The following SPTBN1 variants were observed in gnomAD, a reference collection of about 807,000 sequenced individuals.
The protein encoded by SPTBN1 is spectrin beta, non-erythrocytic 1, also known as spectrin beta chain, non-erythrocytic 1.
In SPTBN1, 32 loss-of-function variants were observed where a neutral mutation model predicts 266.4. The ratio of observed to expected loss-of-function variants is 0.12; its 90% CI spans 0.09 to 0.16. The LOEUF is 0.16. SPTBN1 is among the 10% of genes least tolerant of loss of function. The pLI, the probability that SPTBN1 is intolerant of heterozygous loss-of-function variation, is 1.00. For synonymous variants in SPTBN1, 1,336 were observed against 1,162.2 expected (o/e 1.15, Z -3.04); for missense variants, 2,296 against 3,067.1 (o/e 0.75, Z 5.94).
chr2:54,607,756 G>T (rs1409415495), intron 3 of SPTBN1, among the ~76,000 whole-genome samples: 1 of 152,174 alleles, frequency 6.6e-6, no homozygotes, highest in Non-Finnish European at 1.5e-5. Context: ...TCAATCCCCT[G>T]TGGATACCAA....
chr2:54,644,919 C>T (rs1231507411), intron 20 of SPTBN1, among the ~76,000 whole-genome samples: 2 of 152,180 alleles, frequency 1.3e-5, no homozygotes, highest in Admixed American at 6.5e-5. Context: ...AAGAAATATT[C>T]TCATACTTTG....
rs1673038234 is a variant in SPTBN1 at position 54,558,526 on chromosome 2, G to C, written c.148+31960G>C. The C allele has an allele frequency of 2.4e-6, 3 of 1,242,742 alleles. No homozygotes were observed. Among genetic ancestry groups the C allele is most frequent in the Non-Finnish European group, 3.0e-6 (3 of 989,066 alleles). 77.0% of individuals were successfully genotyped at this position (1,242,742 alleles called of 1,614,324 possible). A position where few individuals can be genotyped will look rare whatever the true frequency, so the allele number is the denominator to read the frequency against. On this transcript the variant is annotated intron_variant, in intron 2 of 35. Coordinates refer to ENST00000356805, the MANE Select transcript of SPTBN1 (RefSeq NM_003128.3). This position sits in a 1 kb window ranked among gnomAD's most constrained non-coding sequence, Gnocchi z 4.6. Reference sequence around the variant, plus strand: ...TCCCTCCTCCTCAGTAATTTATTTCGAGCTTCCAGGCAAGGGCCACGGAAG... The same window carrying C: ...TCCCTCCTCCTCAGTAATTTATTTCCAGCTTCCAGGCAAGGGCCACGGAAG...
chr2:54,511,806 G>C (rs1669870454), intron 1 of SPTBN1, among the ~76,000 whole-genome samples: 1 of 152,064 alleles, frequency 6.6e-6, no homozygotes, highest in East Asian at 1.9e-4. Flanking sequence ...AAGAGGTGGA[G>C]GTTGCAGTGA....
intron 1 of SPTBN1, among the ~76,000 whole-genome samples, chr2:54,498,246 A>G (rs1669073417): frequency 6.6e-6 from 1 of 152,236 alleles, no homozygotes; most frequent in Non-Finnish European, 1.5e-5. Flanking sequence ...TGCATTCACA[A>G]GACGGGAATG....
chr2:54,606,445 T>C (rs1038899816), intron 3 of SPTBN1, among the ~76,000 whole-genome samples: 3 of 152,180 alleles, frequency 2.0e-5, no homozygotes, highest in Non-Finnish European at 4.4e-5. Flanking sequence ...ACTCACTATC[T>C]CACTGCTCAG....
chr2:54,598,830 A>C (rs1310744269), intron 2 of SPTBN1, among the ~76,000 whole-genome samples: 1 of 152,222 alleles, frequency 6.6e-6, no homozygotes, highest in Non-Finnish European at 1.5e-5. Context: ...AGGACTGGAC[A>C]GTTCCTACAC....
At chr2:54,563,095 C>T (rs761954078) in intron 2 of SPTBN1, among the ~76,000 whole-genome samples, 1 of 152,102 alleles carries the variant, frequency 6.6e-6, no homozygotes, top group Non-Finnish European at 1.5e-5. Context: ...GTTTAGGCTG[C>T]ACGGTGTTCT....
intron 2 of SPTBN1, among the ~76,000 whole-genome samples, chr2:54,580,829 A>G (rs1674844440): frequency 6.6e-6 from 1 of 152,120 alleles, no homozygotes; most frequent in South Asian, 2.1e-4. Context: ...CGGGTGCACT[A>G]GCTCATCCCT....
intron 10 of SPTBN1, 107 bp downstream of exon 10, chr2:54,623,703 C>T (rs1406751600): frequency 5.7e-6 from 5 of 873,904 alleles, no homozygotes; most frequent in Non-Finnish European, 7.1e-6. Flanking sequence ...GGGCTGTCCC[C>T]ACCTGCCGAA....
intron 3 of SPTBN1, among the ~76,000 whole-genome samples, chr2:54,608,445 T>C (rs948973933): frequency 2.0e-5 from 3 of 151,828 alleles, no homozygotes; most frequent in Non-Finnish European, 4.4e-5. Flanking sequence ...TAGGTAGGTG[T>C]GATGAGGTGA....
chr2:54,667,476 CAT>C (rs1681440935), intron 34 of SPTBN1, 126 bp from the exon 35 acceptor site: 1 of 797,450 alleles, frequency 1.3e-6, no homozygotes, highest in Non-Finnish European at 2.0e-6. Context: ...TTGGTGGTGA[CAT>C]ATGTAGGTTG....
At chr2:54,630,769 G>A in intron 15 of SPTBN1, 86 bp from the exon 16 acceptor site, 3 of 1,442,408 alleles carry the variant, frequency 2.1e-6, no homozygotes, top group Non-Finnish European at 2.8e-6. Flanking sequence ...CAGATAAGCA[G>A]CATTAACCCA....
At chr2:54,567,278 C>T (rs747851082) in intron 2 of SPTBN1, among the ~76,000 whole-genome samples, 86 of 151,994 alleles carry the variant, frequency 5.7e-4, no homozygotes, top group Non-Finnish European at 1.6e-4. Context: ...GATGCAAGGC[C>T]CTGTTAGGTA....
intron 1 of SPTBN1, among the ~76,000 whole-genome samples, chr2:54,506,408 A>G (rs1669556269): frequency 1.3e-5 from 2 of 151,874 alleles, no homozygotes; most frequent in African/African-American, 2.4e-5. Flanking sequence ...TCATGTAAAT[A>G]TAATTTAAAA....
intron 2 of SPTBN1, among the ~76,000 whole-genome samples, chr2:54,591,994 C>G (rs1675715238): frequency 6.6e-6 from 1 of 151,876 alleles, no homozygotes; most frequent in Non-Finnish European, 1.5e-5. Flanking sequence ...CTAATGAGAC[C>G]CTATTTCTAC....
chr2:54,668,369 A>G lies in SPTBN1; in HGVS notation c.6895A>G (p.Ile2299Val), dbSNP rs1681514472. 1.9e-6 allele frequency: 3 copies of G among 1,614,080 alleles called. No individual in the cohort carries two copies. The highest frequency in any genetic ancestry group is 2.5e-6 in the Non-Finnish European group (3 of 1,180,020). ...TGTCCAGGAGGAAATGAACACATGG[A>G]TCCAGGCTATCTCTTCCGCCATCTC... ...AKDDEEMNTW[I>V]QAISSAISSD... The change falls in exon 36 of 36, where the codon ATC (isoleucine) becomes GTC (valine). Residue 2299 changes from isoleucine (I) to valine (V), a missense_variant. Around this residue, in one of 12 missense-constraint regions of SPTBN1, gnomAD observed 347 missense variants for 368.5 expected, o/e 0.94. Coordinates refer to ENST00000356805, the MANE Select transcript of SPTBN1 (RefSeq NM_003128.3).
chr2:54,541,788 T>C (rs935018929), intron 2 of SPTBN1, among the ~76,000 whole-genome samples: 1 of 152,232 alleles, frequency 6.6e-6, no homozygotes, highest in African/African-American at 2.4e-5. Flanking sequence ...TATGGCAATA[T>C]AGTACACATA....
chr2:54,497,676 C>T (rs1027015550), intron 1 of SPTBN1, among the ~76,000 whole-genome samples: 1 of 152,190 alleles, frequency 6.6e-6, no homozygotes, highest in East Asian at 1.9e-4. Context: ...CTCAGTCCTC[C>T]AAGCCATAGA....
Position 54,558,283 on chromosome 2 carries a change from C to T in SPTBN1, c.148+31717C>T. 1 of 985,516 alleles carries T rather than the reference C, an allele frequency of 1.0e-6. No homozygotes were observed. The highest frequency in any genetic ancestry group is 1.2e-6 in the Non-Finnish European group (1 of 830,032). The allele number at this position is 985,516 out of a possible 1,614,324, so 61.0% of individuals were successfully genotyped here. ...GCGCCCCTCCTCGTGGTATAGCCTG[C>T]ATTTCTAATACAATGCTGTTATGCT... On this transcript the variant is annotated intron_variant, in intron 2 of 35. Transcript: ENST00000356805. The surrounding 1 kb of genome is among the most constrained non-coding windows in gnomAD (Gnocchi z 4.6).
Sources: allele counts gnomAD v4.1 joint callset (sites outside exome capture counted in the v4.1 genomes callset), GRCh38; gene constraint gnomAD v4.1.1; regional missense constraint gnomAD v4.1.1; non-coding constraint Gnocchi (gnomAD v3.1); transcripts MANE v1.5; gene names NCBI Gene and HGNC (gene_info 2026-07-23, HGNC 2026-07-21).